Variants in TPST1 observed in about 807,000 individuals in gnomAD.
TPST1 encodes the protein protein-tyrosine sulfotransferase 1.
In TPST1, 20 loss-of-function variants were observed where a neutral mutation model predicts 34.8. That is an observed-to-expected ratio of 0.57 (90% CI 0.40 to 0.84). TPST1 has a LOEUF of 0.84. TPST1 is among the 40% of genes least tolerant of loss of function. The pLI, the probability that TPST1 is intolerant of heterozygous loss-of-function variation, is 0.00. For synonymous variants in TPST1, 152 were observed against 159.4 expected (o/e 0.95, Z 0.35); for missense variants, 353 against 455.5 (o/e 0.78, Z 2.05).
At chr7:66,305,675 T>A (rs888943961) in intron 3 of TPST1, among the ~76,000 whole-genome samples, 5 of 152,174 alleles carry the variant, frequency 3.3e-5, no homozygotes, top group Non-Finnish European at 7.3e-5. Context: ...GGAAATAATG[T>A]TGTGTCTCCC....
chr7:66,244,450 C>T (rs1790107078), intron 2 of TPST1, among the ~76,000 whole-genome samples: 1 of 152,042 alleles, frequency 6.6e-6, no homozygotes, highest in Non-Finnish European at 1.5e-5. Context: ...GAGAGTTAAC[C>T]TTTACTTTGC....
At position 66,297,840 on chromosome 7, in the gene TPST1, C is replaced by A. The variant is rs185343186; in HGVS notation, c.1044+11131C>A. Among the ~76,000 whole-genome samples, 199 of 152,310 alleles carry A rather than the reference C, an allele frequency of 1.3e-3. 1 individual carries two copies. Among genetic ancestry groups the A allele is most frequent in the South Asian group, 6.6e-3 (32 of 4,832 alleles). On this transcript the variant is annotated intron_variant, in intron 3 of 5. Transcript: ENST00000304842. ...TGGTTCCTATACTCAGCAAAAACTG[C>A]TTGTTCCTGTTTTTTTCTATCTCCA... is the stretch of plus-strand genomic sequence containing the variant.
intron 3 of TPST1, among the ~76,000 whole-genome samples, chr7:66,335,179 C>A (rs1188948565): frequency 6.6e-6 from 1 of 152,110 alleles, no homozygotes; most frequent in Non-Finnish European, 1.5e-5. Flanking sequence ...TGGGATTAAG[C>A]TGGGCATGGC....
chr7:66,342,059 A>G (rs1002078577), intron 3 of TPST1, among the ~76,000 whole-genome samples: 2 of 152,226 alleles, frequency 1.3e-5, no homozygotes, highest in African/African-American at 4.8e-5. Flanking sequence ...AATTCCAGAA[A>G]AAGAGAATAG....
intron 2 of TPST1, among the ~76,000 whole-genome samples, chr7:66,285,079 T>G (rs967287321): frequency 3.3e-5 from 5 of 152,172 alleles, no homozygotes; most frequent in African/African-American, 1.2e-4. Context: ...TAAGCCCAGC[T>G]TCCCAGTCAT....
At chr7:66,253,370 CTTTTT>C (rs199518226) in intron 2 of TPST1, among the ~76,000 whole-genome samples, 2 of 130,172 alleles carry the variant, frequency 1.5e-5, no homozygotes, top group Admixed American at 7.7e-5. Context: ...AGATCGCTTT[CTTTTT>C]TTTTTTTTTT....
chr7:66,337,958 A>G (rs1792155790), intron 3 of TPST1, among the ~76,000 whole-genome samples: 1 of 152,202 alleles, frequency 6.6e-6, no homozygotes, highest in Admixed American at 6.5e-5. Flanking sequence ...GCAACCAAAA[A>G]CAAGGAACAG....
intron 1 of TPST1, among the ~76,000 whole-genome samples, chr7:66,229,365 C>T (rs911296830): frequency 3.9e-5 from 6 of 152,182 alleles, no homozygotes; most frequent in Admixed American, 3.9e-4. Flanking sequence ...CTGCCTCGGC[C>T]TCCCAAAATG....
intron 3 of TPST1, among the ~76,000 whole-genome samples, chr7:66,293,176 A>G (rs2115970527): frequency 6.6e-6 from 1 of 151,964 alleles, no homozygotes; most frequent in Non-Finnish European, 1.5e-5. Context: ...ACTGCACTCC[A>G]GCCTGGATGA....
intron 3 of TPST1, among the ~76,000 whole-genome samples, chr7:66,340,475 C>T (rs1666791132): frequency 6.6e-6 from 1 of 152,074 alleles, no homozygotes; most frequent in Non-Finnish European, 1.5e-5. Context: ...ATAACATGAT[C>T]CTGTATTTAG....
In TPST1 at chr7:66,286,585, C is replaced by T. The variant is rs749736332; in HGVS notation, c.920C>T (p.Pro307Leu). 65 of 1,610,102 alleles carry T rather than the reference C, an allele frequency of 4.0e-5. No individual in the cohort carries two copies. The highest frequency in any genetic ancestry group is 1.6e-4 in the Middle Eastern group (1 of 6,072). ...CTATCAAAATGGGTTGGGAAGATAC[C>T]GCCAGATGTTTTACAAGACATGGCA... The part of the protein sequence containing the change: ...GALSKWVGKI[P>L]PDVLQDMAVI... The change falls in exon 3 of 6, where the codon CCG (proline) becomes CTG (leucine). Residue 307 changes from proline (P) to leucine (L), a missense_variant. Physicochemically the swap from Pro to Leu is moderately conservative, Grantham distance 98 (BLOSUM62 -3). Transcript: ENST00000304842.
In TPST1 at chr7:66,241,139, C is replaced by T. The variant is rs1490458079; in HGVS notation, c.714C>T (p.His238=). The change falls in exon 2 of 6, where the codon CAC becomes CAT. Residue 238 remains histidine, a synonymous_variant. Coordinates refer to ENST00000304842, the MANE Select transcript of TPST1 (RefSeq NM_003596.4). The part of the protein sequence containing the change: ...EVGYKKCMLV[H]YEQLVLHPER... The stretch of plus-strand genomic sequence containing the variant: ...GTTATAAAAAGTGCATGTTGGTTCA[C>T]TATGAACAACTTGTCTTACATCCTG... The T allele has an allele frequency of 1.2e-6, 2 of 1,614,060 alleles. No homozygotes were observed. Among genetic ancestry groups the T allele is most frequent in the Admixed American group, 3.3e-5 (2 of 60,000 alleles).
rs182899260 is a variant in TPST1, at chr7:66,316,905, C to A, written c.1044+30196C>A. On this transcript the variant is annotated intron_variant, in intron 3 of 5. Transcript: ENST00000304842. The stretch of plus-strand genomic sequence containing the variant: ...CATGGACACATGGCGGAGAACAAGA[C>A]ACTGGGGTGTACTGGAGGGTGGAGG... Among the ~76,000 whole-genome samples, 325 of 152,218 alleles carry A rather than the reference C, an allele frequency of 2.1e-3. 2 individuals carry two copies. Among genetic ancestry groups the A allele is most frequent in the African/African-American group, 7.7e-3 (318 of 41,534 alleles).
At chr7:66,317,605 T>A (rs1791660971) in intron 3 of TPST1, among the ~76,000 whole-genome samples, 1 of 149,088 alleles carries the variant, frequency 6.7e-6, no homozygotes, top group African/African-American at 2.5e-5. Flanking sequence ...TGTTTTAATG[T>A]TTTTTTTTTA....
intron 2 of TPST1, among the ~76,000 whole-genome samples, chr7:66,272,111 A>G (rs900919969): frequency 7.2e-5 from 11 of 152,202 alleles, no homozygotes; most frequent in Non-Finnish European, 1.3e-4. Context: ...CCATATGTAT[A>G]TTAAATAGAT....
At chr7:66,227,242 A>G (rs557449894) in intron 1 of TPST1, among the ~76,000 whole-genome samples, 1 of 151,882 alleles carries the variant, frequency 6.6e-6, no homozygotes, top group East Asian at 1.9e-4. Context: ...CATCTTGGTC[A>G]GGCTGGTCTT....
chr7:66,258,078 TTA>T (rs1790414366), intron 2 of TPST1, among the ~76,000 whole-genome samples: 1 of 152,242 alleles, frequency 6.6e-6, no homozygotes, highest in African/African-American at 2.4e-5. Context: ...CTTAGGATTT[TTA>T]TATCTATTTC....
At chr7:66,249,868 A>T (rs1402700822) in intron 2 of TPST1, among the ~76,000 whole-genome samples, 3 of 152,160 alleles carry the variant, frequency 2.0e-5, no homozygotes, top group Non-Finnish European at 2.9e-5. Flanking sequence ...GTATTTCAAG[A>T]TTTAGTTCAG....
At chr7:66,317,035 A>G (rs1791646559) in intron 3 of TPST1, among the ~76,000 whole-genome samples, 1 of 152,200 alleles carries the variant, frequency 6.6e-6, no homozygotes, top group Non-Finnish European at 1.5e-5. Flanking sequence ...GAGTTTACCT[A>G]TAGAACAAAA....
Sources: allele counts gnomAD v4.1 joint callset (sites outside exome capture counted in the v4.1 genomes callset), GRCh38; gene constraint gnomAD v4.1.1; transcripts MANE v1.5; gene names NCBI Gene and HGNC (gene_info 2026-07-23, HGNC 2026-07-21).